Variants in PIK3R4 observed in about 807,000 individuals in gnomAD.
The protein encoded by PIK3R4 is phosphoinositide 3-kinase regulatory subunit 4.
PIK3R4 carries 46 observed loss-of-function variants against 136.5 expected under a neutral mutation model. That is an observed-to-expected ratio of 0.34 (90% CI 0.27 to 0.43). PIK3R4 has a LOEUF of 0.43. PIK3R4 is among the 20% of genes least tolerant of loss of function. The pLI is 1.00. For missense variants in PIK3R4, 1,331 were observed against 1,649.5 expected (o/e 0.81, Z 3.35); for synonymous variants, 557 against 566.7 (o/e 0.98, Z 0.24).
In PIK3R4 at chr3:130,723,545, T is replaced by C; in HGVS notation, c.1850A>G (p.Lys617Arg). The change falls in exon 7 of 20, where the codon AAG (lysine) becomes AGG (arginine). Residue 617 changes from lysine to arginine, a missense_variant. By Grantham distance (26) the Lys-to-Arg change is conservative. Transcript: ENST00000356763. Reference sequence around the variant, plus strand: ...ACTAAGACCTTGTTGCAGCAGAGGCTTGAGAATTGAGGAGCTTTGCCAGCC... The same window carrying C: ...ACTAAGACCTTGTTGCAGCAGAGGCCTGAGAATTGAGGAGCTTTGCCAGCC... ...YVGWQSSSIL[K>R]PLLQQGLSDA... is the part of the protein sequence containing the mutation. 1 of 1,613,726 alleles carries C rather than the reference T, an allele frequency of 6.2e-7. No homozygotes were observed. Among genetic ancestry groups the C allele is most frequent in the South Asian group, 1.1e-5 (1 of 90,918 alleles).
intron 2 of PIK3R4, among the ~76,000 whole-genome samples, chr3:130,738,689 T>TAA (rs200880715): frequency 9.2e-5 from 12 of 129,866 alleles, no homozygotes; most frequent in Non-Finnish European, 1.5e-4. Context: ...AAGAAATGCT[T>TAA]AAAAAAAAAA....
At chr3:130,738,278 A>C (rs1000683861) in intron 2 of PIK3R4, among the ~76,000 whole-genome samples, 6 of 152,222 alleles carry the variant, frequency 3.9e-5, no homozygotes, top group Non-Finnish European at 8.8e-5. Flanking sequence ...GAAGTTCAAT[A>C]AGTTAGGTGT....
At chr3:130,701,145 G>T (rs1454160174) in intron 13 of PIK3R4, among the ~76,000 whole-genome samples, 2 of 152,140 alleles carry the variant, frequency 1.3e-5, no homozygotes, top group Non-Finnish European at 2.9e-5. Context: ...AGGGGACAAT[G>T]AATCCAACTG....
rs2066511101 is a variant in PIK3R4 at position 130,690,536 on chromosome 3, C to A, written c.3217G>T (p.Ala1073Ser). 1.2e-6 allele frequency: 2 copies of A among 1,613,540 alleles called. No individual in the cohort carries two copies. Among genetic ancestry groups the A allele is most frequent in the Non-Finnish European group, 8.5e-7 (1 of 1,179,566 alleles). ...TTAGGAGACTTGGGCAGCTTAGAAG[C>A]CTCAATTCCAAGAAGCTGGACAGCA... ...NGAVQLLGIE[A>S]SKLPKSPKIH... is the part of the protein sequence containing the mutation. The change falls in exon 14 of 20, where the codon GCT becomes TCT. Residue 1073 changes from alanine to serine, a missense_variant. Transcript: ENST00000356763.
In PIK3R4 at chr3:130,679,164, T is replaced by C; in HGVS notation, c.*151A>G. 1 of 430,866 alleles carries C rather than the reference T, an allele frequency of 2.3e-6. No individual in the cohort carries two copies. 26.7% of individuals were successfully genotyped at this position (430,866 alleles called of 1,614,324 possible). On this transcript the variant is annotated 3_prime_UTR_variant, in exon 20 of 20. Transcript: ENST00000356763. ...AACTAGTCAAGTACATCTTAACCAT[T>C]TTGGGTGTCATTTAGTCAGTCAGTC...
At chr3:130,720,813 T>C (rs1250409817) in intron 7 of PIK3R4, among the ~76,000 whole-genome samples, 1 of 152,112 alleles carries the variant, frequency 6.6e-6, no homozygotes, top group Admixed American at 6.5e-5. Flanking sequence ...ACATAACCCA[T>C]GTCAACATTC....
At chr3:130,720,585 A>AACC (rs933109413) in intron 7 of PIK3R4, among the ~76,000 whole-genome samples, 9 of 152,184 alleles carry the variant, frequency 5.9e-5, no homozygotes, top group African/African-American at 1.9e-4. Context: ...TCACCATCAA[A>AACC]ACCACCACCA....
At chr3:130,745,539 T>C (rs574593092) in intron 1 of PIK3R4, among the ~76,000 whole-genome samples, 3 of 152,250 alleles carry the variant, frequency 2.0e-5, no homozygotes, top group East Asian at 1.9e-4. Context: ...TATATTTAGA[T>C]AGGCCTCTTC....
intron 7 of PIK3R4, among the ~76,000 whole-genome samples, chr3:130,721,889 C>G (rs1441502592): frequency 6.6e-6 from 1 of 152,038 alleles, no homozygotes; most frequent in Non-Finnish European, 1.5e-5. Flanking sequence ...GGGTGTAACT[C>G]TTAAATGTTC....
At chr3:130,712,416 C>T (rs1372415145) in intron 9 of PIK3R4, among the ~76,000 whole-genome samples, 1 of 152,094 alleles carries the variant, frequency 6.6e-6, no homozygotes, top group Admixed American at 6.5e-5. Context: ...CGCTTGTAAT[C>T]TCAGCACTTT....
chr3:130,704,884 G>A (rs1269082558), intron 12 of PIK3R4, among the ~76,000 whole-genome samples: 2 of 152,060 alleles, frequency 1.3e-5, no homozygotes, highest in African/African-American at 2.4e-5. Context: ...AGGCTGGAAT[G>A]CAGTGATATA....
At chr3:130,713,050 T>C (rs1466329957) in intron 9 of PIK3R4, among the ~76,000 whole-genome samples, 1 of 152,224 alleles carries the variant, frequency 6.6e-6, no homozygotes, top group Non-Finnish European at 1.5e-5. Flanking sequence ...TTCCCTTATC[T>C]ATAAAATAGG....
chr3:130,712,867 G>A (rs1375210751), intron 9 of PIK3R4, among the ~76,000 whole-genome samples: 1 of 152,120 alleles, frequency 6.6e-6, no homozygotes, highest in Non-Finnish European at 1.5e-5. Context: ...TAAAACCCAA[G>A]CCAGCTTCTG....
chr3:130,743,312 A>G lies in PIK3R4; in HGVS notation c.733+1174T>C, dbSNP rs117771338. Among the ~76,000 whole-genome samples, 1,402 of 152,202 alleles carry G rather than the reference A, an allele frequency of 9.2e-3. 20 individuals carry two copies. Among genetic ancestry groups the G allele is most frequent in the East Asian group, 0.053 (273 of 5,188 alleles). On this transcript the variant is annotated intron_variant, in intron 2 of 19. Transcript: ENST00000356763. ...TGCACGCCTGCAGTCCCGGCTACAC[A>G]AAGAAAGCTGAGGCAAGAGGATCAT...
chr3:130,690,733 C>T, intron 13 of PIK3R4, 79 bp from the exon 14 acceptor site: 1 of 800,508 alleles, frequency 1.2e-6, no homozygotes, highest in Non-Finnish European at 2.0e-6. Context: ...CATTAGCAAG[C>T]AAAATTATTA....
Position 130,734,090 on chromosome 3 carries a change from T to A in PIK3R4, c.908A>T (p.Glu303Val). The change falls in exon 4 of 20, where the codon GAG becomes GTG. Residue 303 changes from glutamate to valine, a missense_variant. Coordinates refer to ENST00000356763, the MANE Select transcript of PIK3R4 (RefSeq NM_014602.3). ...CTGCTGTTTTAAGTAATCTTCTGCC[T>A]CTAAACGTTTATCTGGCTCACGGTG... The part of the protein sequence containing the change: ...MIHREPDKRL[E>V]AEDYLKQQRG... 1 of 1,613,902 alleles carries A rather than the reference T, an allele frequency of 6.2e-7. No individual in the cohort carries two copies. Among genetic ancestry groups the A allele is most frequent in the Non-Finnish European group, 8.5e-7 (1 of 1,179,848 alleles).
chr3:130,695,083 G>T (rs2066538602), intron 13 of PIK3R4, among the ~76,000 whole-genome samples: 1 of 152,084 alleles, frequency 6.6e-6, no homozygotes, highest in Non-Finnish European at 1.5e-5. Flanking sequence ...TTCATTAATT[G>T]ATTTTCATGT....
At chr3:130,681,979 A>G (rs2066461462) in intron 16 of PIK3R4, among the ~76,000 whole-genome samples, 1 of 152,168 alleles carries the variant, frequency 6.6e-6, no homozygotes, top group Admixed American at 6.5e-5. Flanking sequence ...AAAGGGCAGT[A>G]ATGCTGGTCA....
intron 15 of PIK3R4, among the ~76,000 whole-genome samples, chr3:130,685,321 G>C (rs527287498): frequency 1.3e-5 from 2 of 152,194 alleles, no homozygotes; most frequent in South Asian, 4.1e-4. Flanking sequence ...TTGTTAGTTT[G>C]ATTTAATCAT....
Sources: allele counts gnomAD v4.1 joint callset (sites outside exome capture counted in the v4.1 genomes callset), GRCh38; gene constraint gnomAD v4.1.1; transcripts MANE v1.5; gene names NCBI Gene and HGNC (gene_info 2026-07-23, HGNC 2026-07-21).